NDUFA7: variants seen among roughly 807,000 people sequenced by gnomAD.
The protein encoded by NDUFA7 is NADH dehydrogenase [ubiquinone] 1 alpha subcomplex subunit 7.
In NDUFA7, 18 loss-of-function variants were observed where a neutral mutation model predicts 14.2. The observed-to-expected ratio is 1.27, with a 90% confidence interval of 0.88 to 1.88. The LOEUF (loss-of-function observed/expected upper bound fraction) is 1.88, where lower values mean the gene tolerates loss of function less well. NDUFA7 is among the 40% of genes most tolerant of loss of function. The pLI is 0.00. For missense variants in NDUFA7, 172 were observed against 147.3 expected, an observed-to-expected ratio of 1.17 and a Z score of -0.87; for synonymous variants, 75 against 62.1, an observed-to-expected ratio of 1.21 and a Z score of -0.98.
At chr19:8,313,051 C>A (rs529695293) in intron 3 of NDUFA7, among the ~76,000 whole-genome samples, 78 of 152,262 alleles carry the variant, frequency 5.1e-4, no homozygotes, top group African/African-American at 1.9e-3. Flanking sequence ...CTCACCTCGG[C>A]CTCCCAAAGT....
intron 3 of NDUFA7, 50 bp downstream of exon 3, chr19:8,316,446 T>G (rs1490887262): frequency 6.2e-7 from 1 of 1,601,016 alleles, no homozygotes; most frequent in South Asian, 1.1e-5. Context: ...ACAGAGTGGG[T>G]TGCAGGAGGG....
chr19:8,309,053 C>G (rs1008815272), downstream of NDUFA7, among the ~76,000 whole-genome samples: 7 of 151,672 alleles, frequency 4.6e-5, no homozygotes, highest in Admixed American at 4.6e-4. Flanking sequence ...AGTCCCCGCC[C>G]GCCTCAAGAA....
At chr19:8,314,128 C>T (rs1970207966) in intron 3 of NDUFA7, among the ~76,000 whole-genome samples, 1 of 151,972 alleles carries the variant, frequency 6.6e-6, no homozygotes, top group Admixed American at 6.6e-5. Flanking sequence ...TCAAGACCGG[C>T]CTGACCAACA....
At chr19:8,320,025 T>C (rs1970283035) in intron 2 of NDUFA7, among the ~76,000 whole-genome samples, 1 of 151,988 alleles carries the variant, frequency 6.6e-6, no homozygotes. Context: ...TTTGTATTTC[T>C]AGTAGAGAGG....
chr19:8,309,769 CTTT>C (rs1386259466), downstream of NDUFA7, among the ~76,000 whole-genome samples: 2 of 152,120 alleles, frequency 1.3e-5, no homozygotes, highest in Non-Finnish European at 2.9e-5. Context: ...CACAGCTGAT[CTTT>C]TTTAGCTGCT....
intron 3 of NDUFA7, 52 bp downstream of exon 3, chr19:8,316,444 G>A: frequency 3.1e-6 from 5 of 1,599,792 alleles, no homozygotes; most frequent in Non-Finnish European, 4.3e-6. Flanking sequence ...AGACAGAGTG[G>A]GTTGCAGGAG....
chr19:8,320,917 A>G lies in NDUFA7; in HGVS notation c.52-11T>C, dbSNP rs759066198. The G allele has an allele frequency of 6.2e-6, 10 of 1,613,526 alleles. No homozygotes were observed. The East Asian group carries it at 2.2e-4, about 36-fold the overall frequency. On this transcript the variant is annotated splice_polypyrimidine_tract_variant and intron_variant, in intron 1 of 3. Transcript: ENST00000301457. ...CCCCTGCAGGTCATGCTGTGGGAAG[A>G]GGAGAGGAGAGGTCGGCCTGCAAGG...
At chr19:8,313,827 G>C (rs1970205023) in intron 3 of NDUFA7, among the ~76,000 whole-genome samples, 1 of 152,230 alleles carries the variant, frequency 6.6e-6, no homozygotes, top group South Asian at 2.1e-4. Flanking sequence ...CTAACTGGTG[G>C]AGTTATTAGG....
chr19:8,308,799 A>ACTCATAGTAGGCTTGACT, downstream of NDUFA7: 1 of 169,960 alleles, frequency 5.9e-6, no homozygotes, highest in South Asian at 1.3e-4. Context: ...AGGATCTGAC[A>ACTCATAGTAGGCTTGACT]CATAGTGCTT....
At position 8,311,358 on chromosome 19, in the gene NDUFA7, G is replaced by T; in HGVS notation, c.*147C>A. 1.6e-6 allele frequency: 1 copy of T among 625,282 alleles called. No individual in the cohort carries two copies. The highest frequency in any genetic ancestry group is 2.7e-6 in the Non-Finnish European group (1 of 375,548). The allele number at this position is 625,282 out of a possible 1,614,324, so 38.7% of individuals were successfully genotyped here. A position where few individuals can be genotyped will look rare whatever the true frequency, so the allele number is the denominator to read the frequency against. ...AGTTCAAGATCAGCCTGGGAAACATGGTGAGACTCTGTCTCTATTTTTTTA... is the reference window on the plus strand; with the variant it reads ...AGTTCAAGATCAGCCTGGGAAACATTGTGAGACTCTGTCTCTATTTTTTTA... On this transcript the variant is annotated 3_prime_UTR_variant, in exon 4 of 4. Coordinates refer to ENST00000301457, the MANE Select transcript of NDUFA7 (RefSeq NM_005001.5).
Position 8,316,131 on chromosome 19 carries a change from AGAGT to A in NDUFA7, c.251+361_251+364del, listed in dbSNP as rs772975507. On this transcript the variant is annotated intron_variant, in intron 3 of 3. Transcript: ENST00000301457. ...ACCACTGCACTCCAGCCTGGGTGAC[AGAGT>A]GAGACTCCGTCTCAAAAAAAAAAAA... is the stretch of plus-strand genomic sequence containing the variant. Among the ~76,000 whole-genome samples, 815 of 142,072 alleles carry A rather than the reference AGAGT, an allele frequency of 5.7e-3. 4 individuals carry two copies. Among genetic ancestry groups the A allele is most frequent in the Non-Finnish European group, 9.5e-3 (627 of 66,172 alleles). 93.2% of individuals were successfully genotyped at this position (142,072 alleles called of 152,430 possible). A position where few individuals can be genotyped will look rare whatever the true frequency, so the allele number is the denominator to read the frequency against.
intron 1 of NDUFA7, 59 bp downstream of exon 1, chr19:8,321,249 G>C (rs1251199195): frequency 7.4e-6 from 11 of 1,480,046 alleles, no homozygotes; most frequent in Non-Finnish European, 9.9e-6. Flanking sequence ...AGCAGGAGCG[G>C]GTCCCGGACA....
At chr19:8,316,429 T>C (rs1400929016) in intron 3 of NDUFA7, 67 bp downstream of exon 3, 4 of 1,582,820 alleles carry the variant, frequency 2.5e-6, no homozygotes, top group African/African-American at 1.3e-5. Flanking sequence ...TTTCCACAAG[T>C]TGGGAGACAG....
chr19:8,320,805 T>C (rs1599634354), intron 2 of NDUFA7, 52 bp downstream of exon 2: 1 of 1,608,306 alleles, frequency 6.2e-7, no homozygotes, highest in Non-Finnish European at 8.5e-7. Context: ...ATTTCGTTTT[T>C]GGTGGAGAAA....
At chr19:8,316,776 G>T in intron 2 of NDUFA7, 131 bp from the exon 3 acceptor site, 1 of 1,091,426 alleles carries the variant, frequency 9.2e-7, no homozygotes, top group Non-Finnish European at 1.3e-6. Flanking sequence ...CAGGCTGGGG[G>T]TGTCCCTTGG....
At chr19:8,316,401 G>T in intron 3 of NDUFA7, 95 bp downstream of exon 3, 1 of 1,516,230 alleles carries the variant, frequency 6.6e-7, no homozygotes, top group South Asian at 1.2e-5. Context: ...TTACTAAGTA[G>T]GATCTTGACA....
intron 3 of NDUFA7, among the ~76,000 whole-genome samples, chr19:8,313,908 C>A (rs752085573): frequency 2.6e-5 from 4 of 152,196 alleles, no homozygotes; most frequent in Non-Finnish European, 4.4e-5. Flanking sequence ...GACTAACCCT[C>A]GTAACAGCTT....
intron 3 of NDUFA7, among the ~76,000 whole-genome samples, chr19:8,313,601 T>C (rs1970203020): frequency 6.6e-6 from 1 of 152,210 alleles, no homozygotes; most frequent in Non-Finnish European, 1.5e-5. Context: ...ACACTGCAAG[T>C]CTAGCATCCC....
downstream of NDUFA7, chr19:8,311,154 T>C (rs752423957): frequency 5.4e-4 from 87 of 160,192 alleles, no homozygotes; most frequent in Non-Finnish European, 1.0e-3. Flanking sequence ...CTGCCTTCCC[T>C]GTAAGCAGCC....
Sources: allele counts gnomAD v4.1 joint callset (sites outside exome capture counted in the v4.1 genomes callset), GRCh38; gene constraint gnomAD v4.1.1; transcripts MANE v1.5; gene names NCBI Gene and HGNC (gene_info 2026-07-23, HGNC 2026-07-21).